The following SETDB1 variants were observed in gnomAD, a reference collection of about 807,000 sequenced individuals.
The protein encoded by SETDB1 is histone-lysine N-methyltransferase SETDB1.
A neutral mutation model predicts 137.4 loss-of-function variants in SETDB1; 31 were observed. That is an observed-to-expected ratio of 0.23 (90% CI 0.17 to 0.30). The LOEUF is 0.30. SETDB1 is among the 10% of genes least tolerant of loss of function. SETDB1 has a pLI of 1.00. For missense variants in SETDB1, 1,113 were observed against 1,631.5 expected, an observed-to-expected ratio of 0.68 and a Z score of 5.47; for synonymous variants, 548 against 579.9, an observed-to-expected ratio of 0.95 and a Z score of 0.79.
At chr1:150,928,608 A>G (rs1571619028) in intron 2 of SETDB1, among the ~76,000 whole-genome samples, 1 of 152,204 alleles carries the variant, frequency 6.6e-6, no homozygotes, top group African/African-American at 2.4e-5. Flanking sequence ...GTCACTTAGA[A>G]TACATTGTTT....
At chr1:150,947,163 C>G in intron 10 of SETDB1, 151 bp downstream of exon 10, 3 of 890,070 alleles carry the variant, frequency 3.4e-6, no homozygotes, top group Non-Finnish European at 5.0e-6. Context: ...TCATGGTGAT[C>G]AATTTGTGCT....
chr1:150,961,261 T>C (rs1670810351), intron 16 of SETDB1, 70 bp downstream of exon 16: 1 of 1,460,078 alleles, frequency 6.8e-7, no homozygotes, highest in Admixed American at 1.9e-5. Context: ...AGTCTCACCA[T>C]GAGTCTTTGC....
intron 3 of SETDB1, among the ~76,000 whole-genome samples, chr1:150,930,632 A>C (rs1669702088): frequency 7.1e-6 from 1 of 141,542 alleles, no homozygotes; most frequent in Non-Finnish European, 1.5e-5. Flanking sequence ...GGGTTCAAGC[A>C]ATTCTCTGCT....
intron 3 of SETDB1, among the ~76,000 whole-genome samples, chr1:150,932,222 A>ATT (rs146634183): frequency 2.1e-5 from 3 of 145,756 alleles, no homozygotes; most frequent in Non-Finnish European, 1.5e-5. Context: ...CCCTTCTCTA[A>ATT]TTTTTTTTTT....
intron 5 of SETDB1, among the ~76,000 whole-genome samples, 163 bp from the exon 6 acceptor site, chr1:150,942,400 A>G (rs1359309951): frequency 6.6e-6 from 1 of 150,538 alleles, no homozygotes; most frequent in East Asian, 2.0e-4. Flanking sequence ...GTGAGCCAAG[A>G]TCGCACCACT....
intron 2 of SETDB1, among the ~76,000 whole-genome samples, chr1:150,928,391 G>A (rs954193627): frequency 2.0e-5 from 3 of 152,184 alleles, no homozygotes; most frequent in African/African-American, 7.2e-5. Context: ...TCATCTGTCA[G>A]CAGCTAATAC....
In SETDB1 at chr1:150,945,106, C is replaced by T; in HGVS notation, c.1138C>T (p.Leu380=). ...VDGSLVRILF[L]DDKRCEWIYR... ...TGGCAGCCTAGTCAGGATCCTCTTCCTGGTACTGTTCTTCTCTACAATTTT... is the reference window on the plus strand; with the variant it reads ...TGGCAGCCTAGTCAGGATCCTCTTCTTGGTACTGTTCTTCTCTACAATTTT... Residue 380 remains leucine (L), a splice_region_variant and synonymous_variant, in exon 9 of 22, where the codon CTG becomes TTG. Transcript: ENST00000692827. 1 of 1,614,012 alleles carries T rather than the reference C, an allele frequency of 6.2e-7. No individual in the cohort carries two copies. The highest frequency in any genetic ancestry group is 1.1e-5 in the South Asian group (1 of 91,074).
At position 150,926,733 on chromosome 1, in the gene SETDB1, A is replaced by C. The variant is rs1214538493; in HGVS notation, c.-12+216A>C. The C allele has an allele frequency of 9.4e-6, 5 of 533,304 alleles. No homozygotes were observed. In the African/African-American group the frequency reaches 9.6e-5, roughly 10 times the overall value. The allele number at this position is 533,304 out of a possible 1,614,324, so 33.0% of individuals were successfully genotyped here. A position where few individuals can be genotyped will look rare whatever the true frequency, so the allele number is the denominator to read the frequency against. On this transcript the variant is annotated intron_variant, in intron 1 of 21. Transcript: ENST00000692827. ...GCAGAGGAAAATGGAGGCGCTGAAA[A>C]TCAGATTTTCTTTAACCGTTTGATT...
chr1:150,962,604 G>T lies in SETDB1; in HGVS notation c.3179G>T (p.Arg1060Leu), dbSNP rs751371356. 1 of 1,614,064 alleles carries T rather than the reference G, an allele frequency of 6.2e-7. No homozygotes were observed. The highest frequency in any genetic ancestry group is 8.5e-7 in the Non-Finnish European group (1 of 1,179,968). ...NKMSVVTESS[R>L]NYGYNPSPVK... ...CCCATTAGAGTTACTGAAAGCTCTCGAAATTACGGTTACAATCCTTCTCCT... is the reference window on the plus strand; with the variant it reads ...CCCATTAGAGTTACTGAAAGCTCTCTAAATTACGGTTACAATCCTTCTCCT... The change falls in exon 18 of 22, where the codon CGA (arginine) becomes CTA (leucine). Residue 1060 changes from arginine (R) to leucine (L), a missense_variant. This residue lies in a region of SETDB1 where 373 missense variants were observed against 412.7 expected (regional missense o/e 0.90). Coordinates refer to ENST00000692827, the MANE Select transcript of SETDB1 (RefSeq NM_001366418.1).
rs752066734 is a variant in SETDB1 at position 150,947,935 on chromosome 1, T to C, written c.1267+923T>C. 4.7e-4 allele frequency among the ~76,000 whole-genome samples: 72 copies of C among 152,046 alleles called. 1 individual carries two copies. Among genetic ancestry groups the C allele is most frequent in the Non-Finnish European group, 1.3e-4 (9 of 68,004 alleles). On this transcript the variant is annotated intron_variant, in intron 10 of 21. Coordinates refer to ENST00000692827, the MANE Select transcript of SETDB1 (RefSeq NM_001366418.1). ...GTAAATCATCTGAGATAGGAAGATA[T>C]AAAGTCTTATCTAAGGCCCAGCATG...
At chr1:150,944,698 T>C (rs1242494051) in intron 8 of SETDB1, among the ~76,000 whole-genome samples, 1 of 152,236 alleles carries the variant, frequency 6.6e-6, no homozygotes, top group Non-Finnish European at 1.5e-5. Flanking sequence ...TCACCTATAT[T>C]GTACATTTCT....
chr1:150,926,286 G>A (rs1002918796), upstream of SETDB1: 3 of 187,852 alleles, frequency 1.6e-5, no homozygotes, highest in East Asian at 3.6e-4. Flanking sequence ...TCTGAGGGGC[G>A]CCCCGCGGCT....
chr1:150,947,559 G>A (rs896017474), intron 10 of SETDB1, among the ~76,000 whole-genome samples: 12 of 152,250 alleles, frequency 7.9e-5, no homozygotes, highest in South Asian at 4.1e-4. Flanking sequence ...TGGTTTGCTT[G>A]AGCTGAGGAA....
At chr1:150,957,016 C>T (rs1166515939) in intron 14 of SETDB1, among the ~76,000 whole-genome samples, 1 of 151,864 alleles carries the variant, frequency 6.6e-6, no homozygotes, top group Non-Finnish European at 1.5e-5. Context: ...ACTTAGGAGA[C>T]TGAGGCAGGA....
chr1:150,934,428 G>A (rs1266555019), intron 3 of SETDB1, among the ~76,000 whole-genome samples: 9 of 152,046 alleles, frequency 5.9e-5, no homozygotes, highest in African/African-American at 2.2e-4. Flanking sequence ...AGCCAAGATC[G>A]CACCGCTGCA....
chr1:150,930,824 C>A (rs1157762087), intron 3 of SETDB1, among the ~76,000 whole-genome samples: 1 of 152,128 alleles, frequency 6.6e-6, no homozygotes, highest in Non-Finnish European at 1.5e-5. Flanking sequence ...GCATGAGCTG[C>A]TGCACCCAGC....
chr1:150,932,873 C>A (rs1669804334), intron 3 of SETDB1, among the ~76,000 whole-genome samples: 1 of 152,106 alleles, frequency 6.6e-6, no homozygotes, highest in East Asian at 1.9e-4. Flanking sequence ...CTCAGGATAT[C>A]ATACTTTTTT....
intron 14 of SETDB1, among the ~76,000 whole-genome samples, chr1:150,954,179 G>A (rs189359220): frequency 4.6e-5 from 7 of 152,176 alleles, no homozygotes; most frequent in South Asian, 2.1e-4. Context: ...AAAATTAGCC[G>A]GGCATGGTAG....
chr1:150,960,996 G>T lies in SETDB1; in HGVS notation c.2937G>T (p.Lys979Asn), dbSNP rs779127147. Residue 979 changes from lysine (K) to asparagine (N), a missense_variant, in exon 16 of 22, where the codon AAG becomes AAT. By Grantham distance (94) the Lys-to-Asn change is moderately conservative. Transcript: ENST00000692827. ...CNPPSSEETP[K>N]NKVASWLSCN... The stretch of plus-strand genomic sequence containing the variant: ...CACCTTCCTCCGAAGAGACACCCAA[G>T]AACAAGGTGGCCTCATGGTTGAGCT... 1 of 1,613,672 alleles carries T rather than the reference G, an allele frequency of 6.2e-7. No individual in the cohort carries two copies. The highest frequency in any genetic ancestry group is 8.5e-7 in the Non-Finnish European group (1 of 1,179,942).
Sources: allele counts gnomAD v4.1 joint callset (sites outside exome capture counted in the v4.1 genomes callset), GRCh38; gene constraint gnomAD v4.1.1; regional missense constraint gnomAD v4.1.1; transcripts MANE v1.5; gene names NCBI Gene and HGNC (gene_info 2026-07-23, HGNC 2026-07-21).